The following NDE1 variants were observed in gnomAD, a reference collection of about 807,000 sequenced individuals.
NDE1 encodes nudE neurodevelopment protein 1, also known as nuclear distribution protein nudE homolog 1.
NDE1 carries 28 observed loss-of-function variants against 43.4 expected under a neutral mutation model. The ratio of observed to expected loss-of-function variants is 0.65; its 90% CI spans 0.48 to 0.89. The LOEUF is 0.89. Among genes scored for constraint, NDE1 ranks in the 40% least tolerant of loss-of-function variants. The pLI is 0.00. For synonymous variants in NDE1, 184 were observed against 172.0 expected, an observed-to-expected ratio of 1.07 and a Z score of -0.55; for missense variants, 441 against 434.1, an observed-to-expected ratio of 1.02 and a Z score of -0.14.
At chr16:15,716,995 TCAC>T (rs972001855) in intron 8 of NDE1, 33 of 947,206 alleles carry the variant, frequency 3.5e-5, no homozygotes, top group Non-Finnish European at 5.5e-5. Flanking sequence ...CGTTCAGTTC[TCAC>T]AACATACCTG....
intron 4 of NDE1, among the ~76,000 whole-genome samples, chr16:15,685,759 G>C (rs2038406237): frequency 1.3e-5 from 2 of 152,166 alleles, no homozygotes; most frequent in Non-Finnish European, 2.9e-5. Context: ...ATGATACTCA[G>C]TGAGTTCTAG....
chr16:15,655,939 TGGACACAG>T (rs1419441014), intron 1 of NDE1, among the ~76,000 whole-genome samples: 6 of 129,596 alleles, frequency 4.6e-5, no homozygotes, highest in Admixed American at 9.6e-5. Context: ...CGAGAACACA[TGGACACAG>T]GAAGGGGAAC....
upstream of NDE1, among the ~76,000 whole-genome samples, chr16:15,646,289 G>A (rs985538816): frequency 1.3e-5 from 2 of 152,154 alleles, no homozygotes; most frequent in African/African-American, 2.4e-5. Flanking sequence ...ATAAAATTCC[G>A]AGGGGGGCCA....
At chr16:15,665,394 T>C (rs900957291) in intron 2 of NDE1, among the ~76,000 whole-genome samples, 1 of 152,132 alleles carries the variant, frequency 6.6e-6, no homozygotes, top group African/African-American at 2.4e-5. Context: ...TCCAGACCTA[T>C]GGTCCTGATT....
chr16:15,697,446 C>T (rs553241166), intron 8 of NDE1, among the ~76,000 whole-genome samples: 34 of 152,064 alleles, frequency 2.2e-4, no homozygotes, highest in Non-Finnish European at 5.9e-5. Context: ...TGGTGACGCT[C>T]GCCTGTAATC....
chr16:15,720,123 C>T, intron 8 of NDE1: 1 of 1,614,044 alleles, frequency 6.2e-7, no homozygotes, highest in Non-Finnish European at 8.5e-7. Context: ...TCCCTCCACC[C>T]ATGCCCCAAG....
intron 4 of NDE1, among the ~76,000 whole-genome samples, chr16:15,678,291 G>A (rs1365971710): frequency 4.6e-5 from 7 of 152,164 alleles, no homozygotes; most frequent in Non-Finnish European, 8.8e-5. Flanking sequence ...GGAGGGGTGT[G>A]AGACAAGAAC....
Position 15,717,162 on chromosome 16 carries a change from C to T in NDE1, c.948-7029C>T, listed in dbSNP as rs1596704207. 2 of 1,614,188 alleles carry T rather than the reference C, an allele frequency of 1.2e-6. No homozygotes were observed. On this transcript the variant is annotated intron_variant, in intron 8 of 8. Coordinates refer to ENST00000396354, the MANE Select transcript of NDE1 (RefSeq NM_017668.3). ...TACCTGGCCTCCTGCTCGACCTGCT[C>T]CTCCAGCTGTGCAATCTTGGCCTCC...
chr16:15,716,306 T>C (rs1431341380), intron 8 of NDE1, among the ~76,000 whole-genome samples: 2 of 152,118 alleles, frequency 1.3e-5, no homozygotes, highest in Non-Finnish European at 2.9e-5. Context: ...TTTGTGAATA[T>C]ATGAATAGCC....
At chr16:15,715,343 A>T in intron 8 of NDE1, 1 of 1,483,730 alleles carries the variant, frequency 6.7e-7, no homozygotes, top group East Asian at 2.3e-5. Context: ...TGTCACCTGG[A>T]GGTGGCATCT....
intron 8 of NDE1, among the ~76,000 whole-genome samples, chr16:15,716,032 C>T (rs541300897): frequency 2.0e-5 from 3 of 152,104 alleles, no homozygotes; most frequent in South Asian, 2.1e-4. Context: ...GAGGGTGAGG[C>T]GGAGGTTGCA....
intron 5 of NDE1, among the ~76,000 whole-genome samples, chr16:15,688,339 G>C (rs2038544858): frequency 6.6e-6 from 1 of 151,908 alleles, no homozygotes; most frequent in South Asian, 2.1e-4. Flanking sequence ...TGTTGAAACT[G>C]TAATGAGGCA....
intron 8 of NDE1, among the ~76,000 whole-genome samples, chr16:15,704,492 C>T (rs2039345330): frequency 6.6e-6 from 1 of 152,156 alleles, no homozygotes; most frequent in African/African-American, 2.4e-5. Flanking sequence ...AAAAACCAAG[C>T]AGGGGATTTT....
At chr16:15,712,083 G>T (rs1218842381) in intron 8 of NDE1, among the ~76,000 whole-genome samples, 1 of 152,192 alleles carries the variant, frequency 6.6e-6, no homozygotes, top group African/African-American at 2.4e-5. Context: ...AGGACCACGA[G>T]GTTTGTGATG....
upstream of NDE1, among the ~76,000 whole-genome samples, chr16:15,645,668 C>CCT (rs1462921846): frequency 1.3e-5 from 2 of 152,088 alleles, no homozygotes; most frequent in African/African-American, 4.8e-5. Flanking sequence ...AAGTATGTAT[C>CCT]CTCTATTAAT....
intron 3 of NDE1, 29 bp from the exon 4 acceptor site, chr16:15,677,772 A>G: frequency 6.2e-6 from 10 of 1,613,792 alleles, no homozygotes; most frequent in Middle Eastern, 1.7e-4. Flanking sequence ...GTCTTAAGTC[A>G]TTCACTCAGT....
In NDE1 at chr16:15,664,743, G is replaced by A. The variant is rs753719452; in HGVS notation, c.-36G>A. On this transcript the variant is annotated 5_prime_UTR_variant, in exon 2 of 9. An upstream start codon of the reference 5' UTR is lost. Coordinates refer to ENST00000396354, the MANE Select transcript of NDE1 (RefSeq NM_017668.3). Reference sequence around the variant, plus strand: ...TGAAACCTTCTCTCCTAGACACCATGCCACAAGGAGAGTGATCTCTTCCCC... The same window carrying A: ...TGAAACCTTCTCTCCTAGACACCATACCACAAGGAGAGTGATCTCTTCCCC... 2 of 1,484,604 alleles carry A rather than the reference G, an allele frequency of 1.3e-6. No individual in the cohort carries two copies. Among genetic ancestry groups the A allele is most frequent in the Admixed American group, 3.3e-5 (2 of 59,730 alleles). The allele number at this position is 1,484,604 out of a possible 1,614,324, so 92.0% of individuals were successfully genotyped here.
At chr16:15,714,864 C>T in intron 8 of NDE1, 2 of 1,610,780 alleles carry the variant, frequency 1.2e-6, no homozygotes, top group East Asian at 2.2e-5. Context: ...CAGTGCTTTT[C>T]TCTGGCCTGA....
intron 4 of NDE1, chr16:15,687,152 TG>T (rs1351323906): frequency 7.6e-6 from 11 of 1,441,716 alleles, no homozygotes; most frequent in Non-Finnish European, 9.1e-6. Context: ...TTAATCCTCA[TG>T]ACAGCCTCGT....
Sources: gnomAD v4.1 joint callset for allele counts (sites outside exome capture counted in the v4.1 genomes callset) on GRCh38, gnomAD v4.1.1 for gene constraint, MANE v1.5 for transcripts, NCBI Gene and HGNC (gene_info 2026-07-23, HGNC 2026-07-21) for gene names.